The following CDC14B variants were observed in gnomAD, a reference collection of about 807,000 sequenced individuals.
CDC14B encodes cell division cycle 14B.
A neutral mutation model predicts 64.2 loss-of-function variants in CDC14B; 22 were observed. That is an observed-to-expected ratio of 0.34 (90% CI 0.24 to 0.49). CDC14B has a LOEUF of 0.49. Among genes scored for constraint, CDC14B ranks in the 20% least tolerant of loss-of-function variants. CDC14B has a pLI of 0.99. For missense variants in CDC14B, 498 were observed against 629.9 expected (o/e 0.79, Z 2.24); for synonymous variants, 191 against 215.8 (o/e 0.89, Z 1.01).
intron 1 of CDC14B, among the ~76,000 whole-genome samples, chr9:96,580,639 T>C (rs752159847): frequency 9.9e-4 from 151 of 152,284 alleles, no homozygotes; most frequent in Non-Finnish European, 1.7e-3. Context: ...AGCCAATCCC[T>C]CTATTGAAAT....
intron 1 of CDC14B, chr9:96,566,796 C>T (rs1844052243): frequency 6.2e-7 from 1 of 1,607,158 alleles, no homozygotes; most frequent in Non-Finnish European, 8.5e-7. Context: ...CCAAAGCTGC[C>T]CCCGCGCCCT....
intron 12 of CDC14B, among the ~76,000 whole-genome samples, chr9:96,518,780 C>T (rs16911044): frequency 0.09 from 13,619 of 152,146 alleles, 2,064 homozygotes; most frequent in African/African-American, 0.31. Context: ...CAGAATGGCC[C>T]GAATGTCCAA....
At chr9:96,551,037 C>T (rs1193651393) in intron 5 of CDC14B, among the ~76,000 whole-genome samples, 1 of 149,794 alleles carries the variant, frequency 6.7e-6, no homozygotes, top group Admixed American at 6.7e-5. Context: ...TCAGGAACCA[C>T]ACTCCTCAGT....
rs574853145 is a variant in CDC14B, at chr9:96,513,368, A to AG, written c.1344-3580dup. Reference sequence around the variant, plus strand: ...GCACACACCACCTGACAGGCACCAGAGGGTGACGTGTTGCCTCTGTCACAG... The same window carrying AG: ...GCACACACCACCTGACAGGCACCAGAGGGGTGACGTGTTGCCTCTGTCACAG... On this transcript the variant is annotated intron_variant, in intron 12 of 13. Transcript: ENST00000375241. 3.2e-4 allele frequency among the ~76,000 whole-genome samples: 48 copies of AG among 152,332 alleles called. No homozygotes were observed. In the East Asian group the frequency reaches 8.9e-3, roughly 28 times the overall value.
intron 5 of CDC14B, among the ~76,000 whole-genome samples, chr9:96,551,111 C>CTGTTTTTTTTTTTTTTTTTTTTTTTTT (rs1841745578): frequency 1.1e-5 from 1 of 93,296 alleles, no homozygotes; most frequent in East Asian, 3.2e-4. Context: ...TTGGGGTTTG[C>CTGTTTTTTTTTTTTTTTTTTTTTTTTT]TTTTTTTTTT....
chr9:96,545,832 T>C (rs1840739108), intron 5 of CDC14B, among the ~76,000 whole-genome samples: 1 of 151,674 alleles, frequency 6.6e-6, no homozygotes, highest in South Asian at 2.1e-4. Flanking sequence ...AATCTGAATA[T>C]ACGACAAGAA....
chr9:96,596,705 AC>A (rs1164234416), intron 1 of CDC14B, among the ~76,000 whole-genome samples: 1 of 152,078 alleles, frequency 6.6e-6, no homozygotes, highest in Non-Finnish European at 1.5e-5. Flanking sequence ...TACAAAAAAT[AC>A]AAAAATTAGC....
intron 9 of CDC14B, among the ~76,000 whole-genome samples, chr9:96,527,763 C>T (rs1224717542): frequency 6.6e-6 from 1 of 152,032 alleles, no homozygotes; most frequent in East Asian, 1.9e-4. Flanking sequence ...CTACAGGCGC[C>T]CACCACCAAG....
intron 13 of CDC14B, among the ~76,000 whole-genome samples, chr9:96,493,525 A>G (rs1833139119): frequency 6.6e-6 from 1 of 152,256 alleles, no homozygotes. Flanking sequence ...TTTATTATCA[A>G]ATAAGATACA....
At chr9:96,494,811 C>A (rs960351456) in intron 13 of CDC14B, among the ~76,000 whole-genome samples, 1 of 116,750 alleles carries the variant, frequency 8.6e-6, no homozygotes, top group Non-Finnish European at 1.8e-5. Flanking sequence ...AGTCTCGTCC[C>A]GTCCCATCCC....
intron 7 of CDC14B, among the ~76,000 whole-genome samples, chr9:96,536,517 A>G (rs1479416610): frequency 2.6e-5 from 4 of 152,246 alleles, no homozygotes; most frequent in African/African-American, 4.8e-5. Context: ...TACTTTAGAA[A>G]TGGACTGCTA....
At chr9:96,577,195 G>C (rs1197300227) in intron 1 of CDC14B, among the ~76,000 whole-genome samples, 1 of 149,946 alleles carries the variant, frequency 6.7e-6, no homozygotes, top group Non-Finnish European at 1.5e-5. Flanking sequence ...AAGTTGCAGT[G>C]AGCAGAGATC....
intron 4 of CDC14B, among the ~76,000 whole-genome samples, chr9:96,557,816 T>C (rs1435536538): frequency 6.6e-6 from 1 of 152,198 alleles, no homozygotes; most frequent in Non-Finnish European, 1.5e-5. Context: ...TCTACCAAAG[T>C]AATCTATTAA....
At chr9:96,540,151 TA>T (rs531012508) in intron 6 of CDC14B, among the ~76,000 whole-genome samples, 6 of 151,916 alleles carry the variant, frequency 3.9e-5, no homozygotes, top group Admixed American at 6.6e-5. Flanking sequence ...AATGAAACAA[TA>T]AAAAAAAGTA....
At chr9:96,566,493 A>G (rs1235404766) in intron 1 of CDC14B, among the ~76,000 whole-genome samples, 1 of 152,214 alleles carries the variant, frequency 6.6e-6, no homozygotes, top group Non-Finnish European at 1.5e-5. Context: ...TCCAACCACA[A>G]GGACCTTTGA....
chr9:96,530,869 CAA>C (rs1479628434), intron 9 of CDC14B, among the ~76,000 whole-genome samples: 2 of 152,122 alleles, frequency 1.3e-5, no homozygotes, highest in Non-Finnish European at 2.9e-5. Context: ...GTTTTTATCA[CAA>C]AAGGGTAATG....
chr9:96,606,115 C>A (rs1052928212), intron 1 of CDC14B, among the ~76,000 whole-genome samples: 2 of 151,720 alleles, frequency 1.3e-5, no homozygotes, highest in African/African-American at 4.8e-5. Flanking sequence ...GGGCAGATCA[C>A]CTGAGGTCAG....
intron 4 of CDC14B, among the ~76,000 whole-genome samples, chr9:96,555,280 C>CAT (rs1842356532): frequency 6.6e-6 from 1 of 152,210 alleles, no homozygotes; most frequent in Non-Finnish European, 1.5e-5. Context: ...TTAGAACCCT[C>CAT]GCTCTGGGTA....
At chr9:96,563,576 G>A (rs901128425) in intron 3 of CDC14B, among the ~76,000 whole-genome samples, 1 of 151,614 alleles carries the variant, frequency 6.6e-6, no homozygotes, top group East Asian at 1.9e-4. Flanking sequence ...CTTGAACCAG[G>A]GGGGTGGAGG....
Sources: gnomAD v4.1 joint callset for allele counts (sites outside exome capture counted in the v4.1 genomes callset) on GRCh38, gnomAD v4.1.1 for gene constraint, MANE v1.5 for transcripts, NCBI Gene and HGNC (gene_info 2026-07-23, HGNC 2026-07-21) for gene names.